Variants in LHX4 observed in about 807,000 individuals in gnomAD.
The protein encoded by LHX4 is LIM/homeobox protein Lhx4.
In LHX4, 16 loss-of-function variants were observed where a neutral mutation model predicts 39.2. That is an observed-to-expected ratio of 0.41 (90% CI 0.28 to 0.62). The LOEUF is 0.62. Ranked by LOEUF, LHX4 falls within the 20% of genes least tolerant of loss-of-function variation. The pLI is 0.33. For missense variants in LHX4, 439 were observed against 511.9 expected (o/e 0.86, Z 1.37); for synonymous variants, 206 against 198.1 (o/e 1.04, Z -0.33).
At position 180,266,857 on chromosome 1, in the gene LHX4, G is replaced by C. The variant is rs1378606249; in HGVS notation, c.451+263G>C. Among the ~76,000 whole-genome samples, 1 of 152,250 alleles carries C rather than the reference G, an allele frequency of 6.6e-6. No individual in the cohort carries two copies. Among genetic ancestry groups the C allele is most frequent in the East Asian group, 1.9e-4 (1 of 5,192 alleles). Reference sequence around the variant, plus strand: ...CCTGCCTGTCTCCATGGTAGGCTCAGAAGCAGCCAAGAACCTGGTTGTTAC... The same window carrying C: ...CCTGCCTGTCTCCATGGTAGGCTCACAAGCAGCCAAGAACCTGGTTGTTAC... On this transcript the variant is annotated intron_variant, in intron 3 of 5. Transcript: ENST00000263726. This position sits in a 1 kb window ranked among gnomAD's most constrained non-coding sequence, Gnocchi z 5.7.
chr1:180,254,566 A>G (rs1380563221), intron 2 of LHX4, among the ~76,000 whole-genome samples: 1 of 152,148 alleles, frequency 6.6e-6, no homozygotes, highest in African/African-American at 2.4e-5. Context: ...TTCACTGGTG[A>G]CCTTAGCCCA....
At chr1:180,261,538 C>T (rs983313057) in intron 2 of LHX4, among the ~76,000 whole-genome samples, 4 of 152,108 alleles carry the variant, frequency 2.6e-5, no homozygotes, top group African/African-American at 9.7e-5. Flanking sequence ...GCCTGTGATC[C>T]TAGCTGCTCA....
At chr1:180,251,629 A>C (rs1647631050) in intron 2 of LHX4, among the ~76,000 whole-genome samples, 1 of 152,202 alleles carries the variant, frequency 6.6e-6, no homozygotes, top group Non-Finnish European at 1.5e-5. Flanking sequence ...TAAATTATCC[A>C]GTGAGTTTAC....
chr1:180,253,257 G>A (rs947671508), intron 2 of LHX4, among the ~76,000 whole-genome samples: 2 of 152,212 alleles, frequency 1.3e-5, no homozygotes, highest in Non-Finnish European at 2.9e-5. Context: ...CTCAAAAAGG[G>A]ACCAGGGCCC....
At chr1:180,239,869 C>T (rs1054734496) in intron 1 of LHX4, among the ~76,000 whole-genome samples, 11 of 152,222 alleles carry the variant, frequency 7.2e-5, no homozygotes, top group African/African-American at 2.7e-4. Flanking sequence ...TTCACAGACA[C>T]AGCCGCCCCT....
upstream of LHX4, among the ~76,000 whole-genome samples, chr1:180,229,967 G>GGGGGGGC: frequency 7.9e-6 from 1 of 126,636 alleles, no homozygotes; most frequent in East Asian, 2.4e-4. Context: ...GGCGGGGAGG[G>GGGGGGGC]GGGGGGGGTG....
chr1:180,230,744 C>A lies in LHX4; in HGVS notation c.76+139C>A. ...CGCAGAGGCGGTCACAGGGCAGGGG[C>A]ACCAGCCAGAGTGCGTTTGAGGGGG... On this transcript the variant is annotated intron_variant, in intron 1 of 5. Coordinates refer to ENST00000263726, the MANE Select transcript of LHX4 (RefSeq NM_033343.4). The surrounding 1 kb of genome is among the most constrained non-coding windows in gnomAD (Gnocchi z 5.8). 1 of 782,152 alleles carries A rather than the reference C, an allele frequency of 1.3e-6. No individual in the cohort carries two copies. The highest frequency in any genetic ancestry group is 2.2e-6 in the Non-Finnish European group (1 of 455,970). 48.5% of individuals were successfully genotyped at this position (782,152 alleles called of 1,614,324 possible).
At chr1:180,233,663 C>G (rs1271814480) in intron 1 of LHX4, among the ~76,000 whole-genome samples, 4 of 152,212 alleles carry the variant, frequency 2.6e-5, no homozygotes, top group African/African-American at 9.6e-5. Flanking sequence ...TTTGACCCAT[C>G]TGCCATGTAG....
rs1422356095 is a variant in LHX4 at position 180,234,596 on chromosome 1, G to GA, written c.76+3994dup. ...GGCCGTTAGCACGGAGGGAAGCTTGGAAAGCCGCTGTCCCAGTGCGCTCCG... is the reference window on the plus strand; with the variant it reads ...GGCCGTTAGCACGGAGGGAAGCTTGGAAAAGCCGCTGTCCCAGTGCGCTCCG... On this transcript the variant is annotated intron_variant, in intron 1 of 5. Coordinates refer to ENST00000263726, the MANE Select transcript of LHX4 (RefSeq NM_033343.4). This position sits in a 1 kb window ranked among gnomAD's most constrained non-coding sequence, Gnocchi z 4.8. 1.3e-5 allele frequency among the ~76,000 whole-genome samples: 2 copies of GA among 152,246 alleles called. No homozygotes were observed. Among genetic ancestry groups the GA allele is most frequent in the Non-Finnish European group, 2.9e-5 (2 of 68,036 alleles).
At chr1:180,248,989 T>C (rs1571265330) in intron 2 of LHX4, among the ~76,000 whole-genome samples, 1 of 152,186 alleles carries the variant, frequency 6.6e-6, no homozygotes, top group Non-Finnish European at 1.5e-5. Context: ...TGTCGTCACT[T>C]TATATGGAAA....
chr1:180,254,399 C>G (rs1332088069), intron 2 of LHX4, among the ~76,000 whole-genome samples: 4 of 152,242 alleles, frequency 2.6e-5, no homozygotes, highest in South Asian at 2.1e-4. Flanking sequence ...CCTCCCCCAG[C>G]CTGCCAGTCT....
chr1:180,251,595 T>G (rs534780834), intron 2 of LHX4, among the ~76,000 whole-genome samples: 1 of 152,246 alleles, frequency 6.6e-6, no homozygotes. Flanking sequence ...CATAGGCCAC[T>G]GCTGGGTTTG....
At chr1:180,235,681 C>T (rs1664299022) in intron 1 of LHX4, among the ~76,000 whole-genome samples, 1 of 152,164 alleles carries the variant, frequency 6.6e-6, no homozygotes, top group South Asian at 2.1e-4. Flanking sequence ...GTGTCAGGCT[C>T]CAGAGAGACA....
upstream of LHX4, among the ~76,000 whole-genome samples, chr1:180,229,942 G>T (rs1664126464): frequency 1.0e-5 from 1 of 97,894 alleles, no homozygotes; most frequent in East Asian, 2.9e-4. Context: ...ACGGCTGGGC[G>T]GAGGCGGAGG....
intron 1 of LHX4, among the ~76,000 whole-genome samples, chr1:180,240,829 T>G (rs1664428325): frequency 6.6e-6 from 1 of 152,200 alleles, no homozygotes; most frequent in Non-Finnish European, 1.5e-5. Flanking sequence ...TGGAATCCAG[T>G]TTCTGATGGG....
rs908587316 is a variant in LHX4 at position 180,237,787 on chromosome 1, G to C, written c.76+7182G>C. 5.1e-4 allele frequency among the ~76,000 whole-genome samples: 77 copies of C among 152,166 alleles called. 1 individual carries two copies. Among genetic ancestry groups the C allele is most frequent in the Non-Finnish European group, 8.8e-5 (6 of 68,030 alleles). On this transcript the variant is annotated intron_variant, in intron 1 of 5. Transcript: ENST00000263726. ...TTGGTTCTGGGAATAGCTTAATAGA[G>C]ACAAAACTTGCAGCCAAATTAATTG...
rs969613807 is a variant in LHX4 at position 180,230,774 on chromosome 1, G to C, written c.76+169G>C. Among the ~76,000 whole-genome samples the C allele has an allele frequency of 6.6e-6, 1 of 152,152 alleles. No individual in the cohort carries two copies. Among genetic ancestry groups the C allele is most frequent in the East Asian group, 1.9e-4 (1 of 5,172 alleles). On this transcript the variant is annotated intron_variant, in intron 1 of 5. Coordinates refer to ENST00000263726, the MANE Select transcript of LHX4 (RefSeq NM_033343.4). The surrounding 1 kb of genome is among the most constrained non-coding windows in gnomAD (Gnocchi z 5.8). ...GCCAGAGTGCGTTTGAGGGGGCCAGGCTCTTGGCTGTTTGGGGCCGAATGT... is the reference window on the plus strand; with the variant it reads ...GCCAGAGTGCGTTTGAGGGGGCCAGCCTCTTGGCTGTTTGGGGCCGAATGT...
intron 1 of LHX4, among the ~76,000 whole-genome samples, chr1:180,239,028 A>G (rs1260945937): frequency 6.6e-6 from 1 of 152,216 alleles, no homozygotes. Flanking sequence ...TTTGAAATGG[A>G]AAGTTTTATT....
At position 180,230,404 on chromosome 1, in the gene LHX4, CG is replaced by C; in HGVS notation, c.-124del. On this transcript the variant is annotated 5_prime_UTR_variant, in exon 1 of 6. It introduces an in-frame stop codon into an upstream open reading frame of the 5' UTR. Coordinates refer to ENST00000263726, the MANE Select transcript of LHX4 (RefSeq NM_033343.4). The surrounding 1 kb of genome is among the most constrained non-coding windows in gnomAD (Gnocchi z 5.8). ...AGTCCTCCCTGAGAAGCGGAGGGCC[CG>C]GCTTCCACCGTGACTCCAGCGGCCT... 1 of 808,260 alleles carries C rather than the reference CG, an allele frequency of 1.2e-6. No individual in the cohort carries two copies. Among genetic ancestry groups the C allele is most frequent in the South Asian group, 1.5e-5 (1 of 68,650 alleles). The allele number at this position is 808,260 out of a possible 1,614,324, so 50.1% of individuals were successfully genotyped here.
Sources: gnomAD v4.1 joint callset for allele counts (sites outside exome capture counted in the v4.1 genomes callset) on GRCh38, gnomAD v4.1.1 for gene constraint, Gnocchi (gnomAD v3.1) non-coding constraint, MANE v1.5 for transcripts, NCBI Gene and HGNC (gene_info 2026-07-23, HGNC 2026-07-21) for gene names.